Variants in RNF150 observed in about 807,000 individuals in gnomAD.
RNF150 encodes the protein ring finger protein 150.
Under a neutral mutation model 39.3 loss-of-function variants are expected in RNF150, and 24 were observed. The ratio of observed to expected loss-of-function variants is 0.61; its 90% CI spans 0.44 to 0.86. The LOEUF (loss-of-function observed/expected upper bound fraction) is 0.86, where lower values mean the gene tolerates loss of function less well. Ranked by LOEUF, RNF150 falls within the 40% of genes least tolerant of loss-of-function variation. The pLI, the probability that RNF150 is intolerant of heterozygous loss-of-function variation, is 0.00. For missense variants in RNF150, 502 were observed against 587.8 expected (o/e 0.85, Z 1.51); for synonymous variants, 255 against 227.3 (o/e 1.12, Z -1.10).
intron 1 of RNF150, among the ~76,000 whole-genome samples, chr4:141,064,267 C>T (rs970256461): frequency 3.3e-5 from 5 of 152,180 alleles, no homozygotes; most frequent in Admixed American, 6.6e-5. Context: ...GAGATCTGAA[C>T]GTCGTGGACT....
intron 1 of RNF150, among the ~76,000 whole-genome samples, chr4:140,976,706 C>A (rs554214619): frequency 6.6e-6 from 1 of 152,012 alleles, no homozygotes; most frequent in Non-Finnish European, 1.5e-5. Context: ...TACCAGCCCA[C>A]ATTCCATGAT....
At chr4:141,031,922 T>G (rs1277783516) in intron 1 of RNF150, among the ~76,000 whole-genome samples, 2 of 152,030 alleles carry the variant, frequency 1.3e-5, no homozygotes, top group African/African-American at 4.8e-5. Context: ...AGCACCCCCA[T>G]GTTCCCTGTA....
At chr4:141,186,139 C>T (rs767608486) in intron 1 of RNF150, among the ~76,000 whole-genome samples, 4 of 152,134 alleles carry the variant, frequency 2.6e-5, no homozygotes, top group Non-Finnish European at 4.4e-5. Flanking sequence ...TGGTAGAATT[C>T]GGCTGGGAAT....
intron 4 of RNF150, among the ~76,000 whole-genome samples, chr4:140,931,261 G>A (rs1167288934): frequency 2.0e-5 from 3 of 151,612 alleles, no homozygotes; most frequent in Non-Finnish European, 2.9e-5. Flanking sequence ...TTCCTAACAT[G>A]GAAAGCAGAT....
At chr4:141,210,420 T>C (rs934775036) in intron 1 of RNF150, among the ~76,000 whole-genome samples, 1 of 152,050 alleles carries the variant, frequency 6.6e-6, no homozygotes, top group Non-Finnish European at 1.5e-5. Context: ...CTGACGTTGA[T>C]TTTGCCCTCA....
At chr4:141,169,622 T>C (rs1387376993) in intron 1 of RNF150, among the ~76,000 whole-genome samples, 2 of 152,166 alleles carry the variant, frequency 1.3e-5, no homozygotes, top group East Asian at 3.8e-4. Context: ...ATGCCTGACA[T>C]GGGCTTCATC....
intron 1 of RNF150, among the ~76,000 whole-genome samples, chr4:140,998,585 TG>T (rs1451890844): frequency 2.0e-5 from 3 of 152,178 alleles, no homozygotes; most frequent in African/African-American, 4.8e-5. Flanking sequence ...AGGACTCTTG[TG>T]GAGAAGCACA....
In RNF150 at chr4:141,133,094, T is replaced by A; in HGVS notation, c.-286A>T. ...GCCCGCGGGGCTTGCGGAGGAGTCC[T>A]GCTGCCGAGCGTCCTGCTCCTTCGC... On this transcript the variant is annotated 5_prime_UTR_variant, in exon 1 of 7. Coordinates refer to ENST00000515673, the MANE Select transcript of RNF150 (RefSeq NM_020724.2). 1 of 360,296 alleles carries A rather than the reference T, an allele frequency of 2.8e-6. No individual in the cohort carries two copies. The highest frequency in any genetic ancestry group is 5.1e-6 in the Non-Finnish European group (1 of 197,252). The allele number at this position is 360,296 out of a possible 1,614,324, so 22.3% of individuals were successfully genotyped here.
At chr4:141,110,601 A>T (rs1388115879) in intron 1 of RNF150, among the ~76,000 whole-genome samples, 1 of 137,488 alleles carries the variant, frequency 7.3e-6, no homozygotes, top group Non-Finnish European at 1.5e-5. Context: ...TTAATGAGGA[A>T]GGGGTCTTGC....
At chr4:140,892,369 A>G (rs1729783146) in intron 6 of RNF150, among the ~76,000 whole-genome samples, 1 of 152,206 alleles carries the variant, frequency 6.6e-6, no homozygotes, top group Non-Finnish European at 1.5e-5. Flanking sequence ...GCTAAAATTA[A>G]TTCTGCCAAA....
At chr4:141,192,726 A>G (rs1168752799) in intron 1 of RNF150, among the ~76,000 whole-genome samples, 2 of 152,210 alleles carry the variant, frequency 1.3e-5, no homozygotes, top group African/African-American at 2.4e-5. Flanking sequence ...ACACCCTGCC[A>G]GGGTATAATC....
chr4:141,198,062 T>C (rs1405102405), intron 1 of RNF150, among the ~76,000 whole-genome samples: 1 of 150,778 alleles, frequency 6.6e-6, no homozygotes, highest in Non-Finnish European at 1.5e-5. Flanking sequence ...GTTTTGCTCT[T>C]GTTGCCCAGG....
intron 5 of RNF150, among the ~76,000 whole-genome samples, chr4:140,917,406 CAG>C (rs1414225061): frequency 1.3e-5 from 2 of 152,086 alleles, no homozygotes; most frequent in Non-Finnish European, 2.9e-5. Flanking sequence ...TCTGATAAAA[CAG>C]ACTTTAAACC....
At chr4:141,058,742 T>G (rs1489757740) in intron 1 of RNF150, among the ~76,000 whole-genome samples, 1 of 152,200 alleles carries the variant, frequency 6.6e-6, no homozygotes, top group Non-Finnish European at 1.5e-5. Context: ...ATATTTAGCA[T>G]GGGGCTTGCT....
chr4:141,125,541 A>G (rs1447467556), intron 1 of RNF150, among the ~76,000 whole-genome samples: 1 of 152,228 alleles, frequency 6.6e-6, no homozygotes, highest in Admixed American at 6.5e-5. Context: ...GATAAACTGA[A>G]GACTTTCAGG....
At position 141,132,093 on chromosome 4, in the gene RNF150, C is replaced by T. The variant is rs983316733; in HGVS notation, c.484+232G>A. On this transcript the variant is annotated intron_variant, in intron 1 of 6. Transcript: ENST00000515673. This position sits in a 1 kb window ranked among gnomAD's most constrained non-coding sequence, Gnocchi z 4.9. ...CCGCCACGTTGAACCCCTGTCCAAG[C>T]GGCGCTATGCCAAGCTCTCCGGCAG... 6.6e-6 allele frequency among the ~76,000 whole-genome samples: 1 copy of T among 152,186 alleles called. No individual in the cohort carries two copies. Among genetic ancestry groups the T allele is most frequent in the African/African-American group, 2.4e-5 (1 of 41,444 alleles).
chr4:140,961,438 A>G (rs181291641), intron 2 of RNF150, among the ~76,000 whole-genome samples: 27 of 152,268 alleles, frequency 1.8e-4, no homozygotes, highest in Non-Finnish European at 2.5e-4. Context: ...TCGACAATGT[A>G]AAATAAATGG....
chr4:140,996,625 C>A (rs78714211), intron 1 of RNF150, among the ~76,000 whole-genome samples: 2,959 of 152,266 alleles, frequency 0.019, 92 homozygotes, highest in African/African-American at 0.068. Context: ...GCTTTCTTAT[C>A]CTGTTAAACG....
chr4:141,061,475 T>C (rs1376981323), intron 1 of RNF150, among the ~76,000 whole-genome samples: 1 of 152,182 alleles, frequency 6.6e-6, no homozygotes, highest in Non-Finnish European at 1.5e-5. Flanking sequence ...ATAATCAGAC[T>C]AGTGGTATGC....
Sources: gnomAD v4.1 joint callset for allele counts (sites outside exome capture counted in the v4.1 genomes callset) on GRCh38, gnomAD v4.1.1 for gene constraint, Gnocchi (gnomAD v3.1) non-coding constraint, MANE v1.5 for transcripts, NCBI Gene and HGNC (gene_info 2026-07-23, HGNC 2026-07-21) for gene names.